Variants in HPGD observed in about 807,000 individuals in gnomAD.
The protein encoded by HPGD is 15-hydroxyprostaglandin dehydrogenase [NAD(+)].
HPGD carries 29 observed loss-of-function variants against 30.0 expected under a neutral mutation model. That is an observed-to-expected ratio of 0.97 (90% CI 0.72 to 1.32). The LOEUF (loss-of-function observed/expected upper bound fraction) is 1.32. Among genes scored for constraint, HPGD ranks in the 40% most tolerant of loss-of-function variants. The probability of loss-of-function intolerance (pLI) is 0.00; values close to 1 mark genes in which losing one functional copy is unlikely to be tolerated. For missense variants in HPGD, 340 were observed against 322.1 expected (o/e 1.06, Z -0.43); for synonymous variants, 99 against 112.4 (o/e 0.88, Z 0.75).
In HPGD at chr4:174,518,095, T is replaced by TGTATCACTAATATCTTGTTTTATA; in HGVS notation, c.218-19_218-18insTATAAAACAAGATATTAGTGATAC. The TGTATCACTAATATCTTGTTTTATA allele has an allele frequency of 8.9e-7, 1 of 1,126,548 alleles. No homozygotes were observed. Among genetic ancestry groups the TGTATCACTAATATCTTGTTTTATA allele is most frequent in the Non-Finnish European group, 1.4e-6 (1 of 738,470 alleles). The allele number at this position is 1,126,548 out of a possible 1,614,324, so 69.8% of individuals were successfully genotyped here. On this transcript the variant is annotated intron_variant, in intron 2 of 6. Transcript: ENST00000296522. ...AAAAGTGTCTAATTATAAAACAAGATATTAGTGATACATTCTTATTTTCCA... is the reference window on the plus strand; with the variant it reads ...AAAAGTGTCTAATTATAAAACAAGATGTATCACTAATATCTTGTTTTATAATTAGTGATACATTCTTATTTTCCA...
rs903407146 is a variant in HPGD at position 174,494,233 on chromosome 4, A to T, written c.499-919T>A. ...AATGAGTTCAATGTTCATACAACCT[A>T]TGATAAATAAGGTTCTTTAAACAGG... On this transcript the variant is annotated intron_variant, in intron 5 of 6. Coordinates refer to ENST00000296522, the MANE Select transcript of HPGD (RefSeq NM_000860.6). The surrounding 1 kb of genome is among the most constrained non-coding windows in gnomAD (Gnocchi z 4.9). Among the ~76,000 whole-genome samples, 2 of 152,180 alleles carry T rather than the reference A, an allele frequency of 1.3e-5. No individual in the cohort carries two copies. The highest frequency in any genetic ancestry group is 2.4e-5 in the African/African-American group (1 of 41,448).
rs969903100 is a variant in HPGD at position 174,494,168 on chromosome 4, A to G, written c.499-854T>C. Among the ~76,000 whole-genome samples the G allele has an allele frequency of 1.2e-4, 19 of 152,280 alleles. No individual in the cohort carries two copies. Among genetic ancestry groups the G allele is most frequent in the Middle Eastern group, 3.4e-3 (1 of 294 alleles). ...GTCCTGTACAGAAAATATTTGTGTTAGATAAATTTTGATCAGGCATGAGTA... is the reference window on the plus strand; with the variant it reads ...GTCCTGTACAGAAAATATTTGTGTTGGATAAATTTTGATCAGGCATGAGTA... On this transcript the variant is annotated intron_variant, in intron 5 of 6. Transcript: ENST00000296522. This position sits in a 1 kb window ranked among gnomAD's most constrained non-coding sequence, Gnocchi z 4.9.
At chr4:174,505,022 C>T (rs1489317928) in intron 4 of HPGD, among the ~76,000 whole-genome samples, 2 of 152,162 alleles carry the variant, frequency 1.3e-5, no homozygotes, top group African/African-American at 2.4e-5. Context: ...AATAAAAACT[C>T]GTGTAGAAAA....
At chr4:174,512,324 A>G (rs575340437) in intron 3 of HPGD, among the ~76,000 whole-genome samples, 1 of 152,340 alleles carries the variant, frequency 6.6e-6, no homozygotes, top group South Asian at 2.1e-4. Flanking sequence ...TACTAGCATG[A>G]ATAGCATGAA....
intron 3 of HPGD, among the ~76,000 whole-genome samples, chr4:174,510,818 GTC>G (rs1735451022): frequency 6.6e-6 from 1 of 152,038 alleles, no homozygotes; most frequent in African/African-American, 2.4e-5. Context: ...GTGCACGTGT[GTC>G]TATATATTAT....
intron 4 of HPGD, among the ~76,000 whole-genome samples, chr4:174,497,568 C>CCTTTTTTTTTTTTTTTTTTTT (rs1560976894): frequency 2.0e-5 from 1 of 51,114 alleles, no homozygotes; most frequent in African/African-American, 6.7e-5. Context: ...CTTTTTCTTT[C>CCTTTTTTTTTTTTTTTTTTTT]TTTTTTTTTT....
chr4:174,521,225 CAA>C (rs35013459), intron 2 of HPGD, among the ~76,000 whole-genome samples: 12 of 76,856 alleles, frequency 1.6e-4, no homozygotes, highest in Admixed American at 2.9e-4. Flanking sequence ...AATAGATGTA[CAA>C]AAAAAAAAAA....
chr4:174,508,699 C>G lies in HPGD; in HGVS notation c.418G>C (p.Ala140Pro), dbSNP rs121434480. 2.8e-5 allele frequency: 44 copies of G among 1,580,400 alleles called. No individual in the cohort carries two copies. The South Asian group carries it at 4.8e-4, about 17-fold the overall frequency. Reference protein sequence around the residue: ...GGIIINMSSLAGLMPVAQQPV... With the variant: ...GGIIINMSSLPGLMPVAQQPV... ...TTAATGTAATAATTGCCCTTACCTG[C>G]TAAAGATGACATATTGATAATGATG... The change falls in exon 4 of 7, where the codon GCA (alanine) becomes CCA (proline). Residue 140 changes from alanine (A) to proline (P), a missense_variant. Physicochemically the swap from Ala to Pro is conservative, Grantham distance 27. Transcript: ENST00000296522.
At chr4:174,506,673 A>G (rs982857725) in intron 4 of HPGD, 5 of 152,258 alleles carry the variant, frequency 3.3e-5, no homozygotes, top group Non-Finnish European at 5.9e-5. Flanking sequence ...GTTTAAAATG[A>G]TATCAGGTAA....
chr4:174,508,858 A>G (rs996442540), intron 3 of HPGD, 66 bp from the exon 4 acceptor site: 15 of 882,528 alleles, frequency 1.7e-5, no homozygotes, highest in East Asian at 7.2e-5. Context: ...TTCACACACC[A>G]AAGTTTTTAT....
At chr4:174,506,940 C>T (rs1237872411) in intron 4 of HPGD, 2 of 152,138 alleles carry the variant, frequency 1.3e-5, no homozygotes, top group Non-Finnish European at 2.9e-5. Context: ...CTTTGCTGAC[C>T]CTCTTAGCTT....
rs1734558059 is a variant in HPGD, at chr4:174,495,593, A to C, written c.453T>G (p.Tyr151Ter). 2 of 1,613,764 alleles carry C rather than the reference A, an allele frequency of 1.2e-6. No individual in the cohort carries two copies. Among genetic ancestry groups the C allele is most frequent in the Non-Finnish European group, 1.7e-6 (2 of 1,179,796 alleles). ...CAACTATGCCATGCTTTGAAGCACAATAAACCGGCTGCTGTGCAACGGGCA... is the reference window on the plus strand; with the variant it reads ...CAACTATGCCATGCTTTGAAGCACACTAAACCGGCTGCTGTGCAACGGGCA... ...GLMPVAQQPV[Y>*]CASKHGIVGF... Residue 151 changes from tyrosine (Y) to a stop codon, truncating the protein, a stop_gained, in exon 5 of 7, where the codon TAT becomes TAG. Coordinates refer to ENST00000296522, the MANE Select transcript of HPGD (RefSeq NM_000860.6). LOFTEE classifies it high-confidence loss of function.
chr4:174,511,839 G>A (rs1345145839), intron 3 of HPGD, among the ~76,000 whole-genome samples: 1 of 152,040 alleles, frequency 6.6e-6, no homozygotes, highest in African/African-American at 2.4e-5. Flanking sequence ...GTAGAGACGG[G>A]GTTTCATCGT....
At chr4:174,511,371 T>C (rs45514098) in intron 3 of HPGD, among the ~76,000 whole-genome samples, 13,760 of 152,274 alleles carry the variant, frequency 0.09, 820 homozygotes, top group East Asian at 0.24. Context: ...AGGTCTAATT[T>C]TTAACTCATG....
intron 4 of HPGD, among the ~76,000 whole-genome samples, chr4:174,500,801 T>A (rs755752659): frequency 2.0e-4 from 31 of 152,176 alleles, no homozygotes; most frequent in Admixed American, 1.4e-3. Flanking sequence ...TGTTTGATAT[T>A]ATAGTGGTAG....
chr4:174,512,913 T>C (rs775477352), intron 3 of HPGD, among the ~76,000 whole-genome samples: 8 of 152,196 alleles, frequency 5.3e-5, no homozygotes, highest in Non-Finnish European at 8.8e-5. Flanking sequence ...GCCCATGATA[T>C]TGGCACTTTC....
chr4:174,497,946 C>A (rs1734721754), intron 4 of HPGD, among the ~76,000 whole-genome samples: 1 of 147,700 alleles, frequency 6.8e-6, no homozygotes, highest in Admixed American at 6.8e-5. Context: ...CCCTTCCTTT[C>A]TGCCCCCTTC....
intron 4 of HPGD, chr4:174,508,175 AAG>A: frequency 1.4e-6 from 1 of 700,930 alleles, no homozygotes; most frequent in South Asian, 1.5e-5. Flanking sequence ...CTGCATACAG[AAG>A]AGATACCTGC....
At chr4:174,516,746 C>T (rs983888291) in intron 3 of HPGD, among the ~76,000 whole-genome samples, 3 of 152,192 alleles carry the variant, frequency 2.0e-5, no homozygotes, top group African/African-American at 4.8e-5. Context: ...TTGTACTCTT[C>T]TCAAGGTAGG....
Sources: gnomAD v4.1 joint callset for allele counts (sites outside exome capture counted in the v4.1 genomes callset) on GRCh38, gnomAD v4.1.1 for gene constraint, Gnocchi (gnomAD v3.1) non-coding constraint, MANE v1.5 for transcripts, NCBI Gene and HGNC (gene_info 2026-07-23, HGNC 2026-07-21) for gene names.